The following FAM135B variants were observed in gnomAD, a reference collection of about 807,000 sequenced individuals.
FAM135B encodes the protein protein FAM135B.
FAM135B carries 43 observed loss-of-function variants against 127.7 expected under a neutral mutation model. The observed-to-expected ratio is 0.34, with a 90% CI of 0.26 to 0.43. The LOEUF is 0.43. Ranked by LOEUF, FAM135B falls within the 20% of genes least tolerant of loss-of-function variation. The probability of loss-of-function intolerance (pLI) is 1.00; values close to 1 mark genes in which losing one functional copy is unlikely to be tolerated. For missense variants in FAM135B, 1,558 were observed against 1,725.6 expected (o/e 0.90, Z 1.72); for synonymous variants, 670 against 665.1 (o/e 1.01, Z -0.11).
intron 7 of FAM135B, among the ~76,000 whole-genome samples, chr8:138,225,477 AAAAAAC>A (rs1819352425): frequency 6.6e-6 from 1 of 151,904 alleles, no homozygotes; most frequent in Non-Finnish European, 1.5e-5. Flanking sequence ...AAAAAAACAA[AAAAAAC>A]AAAAACAAAG....
intron 1 of FAM135B, among the ~76,000 whole-genome samples, chr8:138,382,362 C>T (rs1831910133): frequency 6.6e-6 from 1 of 152,204 alleles, no homozygotes; most frequent in African/African-American, 2.4e-5. Flanking sequence ...GCTCCTCTTT[C>T]TCCAGGGCTA....
intron 4 of FAM135B, among the ~76,000 whole-genome samples, chr8:138,257,465 T>A (rs1227234130): frequency 6.6e-6 from 1 of 152,150 alleles, no homozygotes; most frequent in Non-Finnish European, 1.5e-5. Flanking sequence ...CAGTTTCTCA[T>A]ATACACCTGG....
At chr8:138,229,149 G>A (rs1264832835) in intron 7 of FAM135B, among the ~76,000 whole-genome samples, 1 of 152,102 alleles carries the variant, frequency 6.6e-6, no homozygotes, top group Non-Finnish European at 1.5e-5. Flanking sequence ...ATTACTAAGA[G>A]CAGTCATTTA....
intron 7 of FAM135B, among the ~76,000 whole-genome samples, chr8:138,201,985 C>T (rs1168915997): frequency 1.3e-5 from 2 of 152,038 alleles, no homozygotes; most frequent in African/African-American, 2.4e-5. Context: ...ATTAGTCAGG[C>T]GTGGTGGCAC....
chr8:138,465,734 A>T (rs892891833), intron 1 of FAM135B, among the ~76,000 whole-genome samples: 4 of 149,314 alleles, frequency 2.7e-5, no homozygotes, highest in Non-Finnish European at 1.5e-5. Flanking sequence ...TCTCATGTTC[A>T]CCTGGCTGCT....
intron 2 of FAM135B, among the ~76,000 whole-genome samples, chr8:138,347,098 C>T (rs1046104468): frequency 7.2e-6 from 1 of 139,050 alleles, no homozygotes; most frequent in Non-Finnish European, 1.5e-5. Flanking sequence ...GAGGAATGAA[C>T]AAAAGGAAGA....
chr8:138,148,340 A>C (rs7464938), intron 14 of FAM135B, among the ~76,000 whole-genome samples, 180 bp downstream of exon 14: 50,496 of 152,038 alleles, frequency 0.33, 9,025 homozygotes, highest in East Asian at 0.53. Flanking sequence ...TTTTTGTGAC[A>C]GAGAGATATT....
intron 3 of FAM135B, among the ~76,000 whole-genome samples, chr8:138,305,089 C>A (rs1826143370): frequency 6.6e-6 from 1 of 152,152 alleles, no homozygotes; most frequent in Non-Finnish European, 1.5e-5. Flanking sequence ...TTTAATGGAC[C>A]CTGAAAAGAA....
intron 7 of FAM135B, among the ~76,000 whole-genome samples, chr8:138,202,995 G>A (rs1442209289): frequency 2.0e-5 from 3 of 152,272 alleles, no homozygotes; most frequent in African/African-American, 7.2e-5. Flanking sequence ...GGAAGTGCCA[G>A]TTTCCTAATG....
chr8:138,204,356 G>A (rs1238173775), intron 7 of FAM135B, among the ~76,000 whole-genome samples: 1 of 152,152 alleles, frequency 6.6e-6, no homozygotes, highest in African/African-American at 2.4e-5. Context: ...CATTAGACCA[G>A]TTCTTCCTGT....
chr8:138,446,852 A>G (rs1836192537), intron 1 of FAM135B, among the ~76,000 whole-genome samples: 1 of 151,912 alleles, frequency 6.6e-6, no homozygotes, highest in Non-Finnish European at 1.5e-5. Context: ...AGAAACTACC[A>G]TCAGAGTGAA....
chr8:138,299,600 C>A (rs1274986556), intron 3 of FAM135B, among the ~76,000 whole-genome samples: 2 of 151,768 alleles, frequency 1.3e-5, no homozygotes, highest in Non-Finnish European at 1.5e-5. Context: ...CACACACACA[C>A]ACACACACCC....
intron 3 of FAM135B, among the ~76,000 whole-genome samples, chr8:138,290,660 T>C (rs1395406844): frequency 6.6e-6 from 1 of 152,144 alleles, no homozygotes; most frequent in Non-Finnish European, 1.5e-5. Flanking sequence ...TGTAGCAGTG[T>C]TGGGTTATGG....
intron 2 of FAM135B, among the ~76,000 whole-genome samples, chr8:138,314,022 T>TTTGA (rs781298921): frequency 6.6e-5 from 10 of 152,118 alleles, no homozygotes; most frequent in Non-Finnish European, 1.5e-4. Context: ...TGTTCCACTG[T>TTTGA]TTGAGATGGA....
intron 3 of FAM135B, among the ~76,000 whole-genome samples, chr8:138,277,968 T>C (rs1823961256): frequency 6.6e-6 from 1 of 152,122 alleles, no homozygotes; most frequent in Non-Finnish European, 1.5e-5. Flanking sequence ...ATAAATGTTA[T>C]GATTTCCTCA....
intron 2 of FAM135B, among the ~76,000 whole-genome samples, chr8:138,354,754 G>A (rs1829986553): frequency 6.6e-6 from 1 of 152,130 alleles, no homozygotes; most frequent in Non-Finnish European, 1.5e-5. Flanking sequence ...AAATGACCCT[G>A]AGGTTTATCT....
chr8:138,308,174 C>A (rs935507563), intron 3 of FAM135B, among the ~76,000 whole-genome samples: 1 of 149,908 alleles, frequency 6.7e-6, no homozygotes, highest in Non-Finnish European at 1.5e-5. Context: ...ACTCAGCTAT[C>A]ATGTAAGAAG....
chr8:138,319,540 A>G (rs1512400), intron 2 of FAM135B, among the ~76,000 whole-genome samples: 143,342 of 152,076 alleles, frequency 0.94, 67,809 homozygotes, highest in Non-Finnish European at 0.98. Context: ...CATTGGTTTC[A>G]TCAGAATGGG....
At chr8:138,367,550 G>T in intron 2 of FAM135B, 1 of 434,434 alleles carries the variant, frequency 2.3e-6, no homozygotes, top group Admixed American at 2.9e-5. Context: ...CATCAGTATT[G>T]AACACACTGA....
Sources: allele counts gnomAD v4.1 joint callset (sites outside exome capture counted in the v4.1 genomes callset), GRCh38; gene constraint gnomAD v4.1.1; transcripts MANE v1.5; gene names NCBI Gene and HGNC (gene_info 2026-07-23, HGNC 2026-07-21).